SHANK2: variants seen among roughly 807,000 people sequenced by gnomAD.
The protein encoded by SHANK2 is SH3 and multiple ankyrin repeat domains 2.
In SHANK2, 43 loss-of-function variants were observed where a neutral mutation model predicts 133.7. The ratio of observed to expected loss-of-function variants is 0.32; its 90% CI spans 0.25 to 0.41. The LOEUF is 0.41. Ranked by LOEUF, SHANK2 falls within the 10% of genes least tolerant of loss-of-function variation. The pLI is 1.00. For synonymous variants in SHANK2, 1,017 were observed against 952.8 expected, an observed-to-expected ratio of 1.07 and a Z score of -1.24; for missense variants, 1,994 against 2,235.8, an observed-to-expected ratio of 0.89 and a Z score of 2.18.
At chr11:70,729,703 A>ATT (rs1157075421) in intron 14 of SHANK2, among the ~76,000 whole-genome samples, 1 of 139,434 alleles carries the variant, frequency 7.2e-6, no homozygotes, top group African/African-American at 2.6e-5. Flanking sequence ...TTTTTTTTGT[A>ATT]TTTTTTTTTT....
intron 17 of SHANK2, among the ~76,000 whole-genome samples, chr11:70,580,871 G>A (rs921798271): frequency 6.6e-6 from 1 of 152,200 alleles, no homozygotes; most frequent in African/African-American, 2.4e-5. Context: ...CTCACCTCCT[G>A]TTCCCTCTGT....
At chr11:70,819,018 A>G (rs1400694846) in intron 12 of SHANK2, among the ~76,000 whole-genome samples, 3 of 152,178 alleles carry the variant, frequency 2.0e-5, no homozygotes, top group African/African-American at 7.2e-5. Flanking sequence ...CTGGCAACAG[A>G]GCATGACCCA....
intron 17 of SHANK2, among the ~76,000 whole-genome samples, chr11:70,611,495 C>T (rs567416907): frequency 1.7e-4 from 26 of 152,368 alleles, no homozygotes; most frequent in Admixed American, 2.6e-4. Context: ...TACCACCCCA[C>T]GACCCACGTC....
intron 21 of SHANK2, among the ~76,000 whole-genome samples, chr11:70,492,956 C>T (rs537654772): frequency 1.4e-3 from 208 of 151,924 alleles, no homozygotes; most frequent in African/African-American, 4.8e-3. Flanking sequence ...CCACTACGCC[C>T]AGCTAATTTT....
At chr11:70,737,520 C>T (rs1433351745) in intron 14 of SHANK2, among the ~76,000 whole-genome samples, 1 of 152,238 alleles carries the variant, frequency 6.6e-6, no homozygotes, top group East Asian at 1.9e-4. Flanking sequence ...GCCCTGCATG[C>T]ATCTCGCTCC....
intron 15 of SHANK2, among the ~76,000 whole-genome samples, chr11:70,674,342 G>T (rs993231220): frequency 1.3e-5 from 2 of 151,982 alleles, no homozygotes; most frequent in Non-Finnish European, 2.9e-5. Context: ...GTAATGGGAA[G>T]TATTTTAATG....
At chr11:70,592,551 T>G (rs1289126085) in intron 17 of SHANK2, among the ~76,000 whole-genome samples, 15 of 151,790 alleles carry the variant, frequency 9.9e-5, no homozygotes, top group African/African-American at 3.6e-4. Context: ...GGCATCTCGG[T>G]GGCCCCCCTT....
At chr11:70,474,060 C>T (rs1555149498) in intron 25 of SHANK2, 1 of 180,084 alleles carries the variant, frequency 5.6e-6, no homozygotes, top group South Asian at 1.3e-4. Context: ...TGTAGCTACG[C>T]AGGGCACTCA....
chr11:71,155,667 C>A (rs1486939344), intron 2 of SHANK2, among the ~76,000 whole-genome samples: 4 of 85,196 alleles, frequency 4.7e-5, no homozygotes, highest in Non-Finnish European at 6.7e-5. Flanking sequence ...CAAACCCGCC[C>A]TGCCCCATAC....
Position 70,820,668 on chromosome 11 carries a change from C to A in SHANK2, c.1189G>T (p.Ala397Ser). The change falls in exon 12 of 26, where the codon GCC becomes TCC. Residue 397 changes from alanine to serine, a missense_variant. This residue lies in a region of SHANK2 where 653 missense variants were observed against 563.4 expected (regional missense o/e 1.16). Transcript: ENST00000601538. ...CGCCGGCGGTTGGAGTACGCCGGGG[C>A]CTCTCGGAAGGGCACTGGGGAGAAG... ...KETDIVPFRE[A>S]PAYSNRRRRP... The A allele has an allele frequency of 1.5e-6, 1 of 688,222 alleles. No individual in the cohort carries two copies. The highest frequency in any genetic ancestry group is 2.4e-4 in the Middle Eastern group (1 of 4,226). The allele number at this position is 688,222 out of a possible 1,614,324, so 42.6% of individuals were successfully genotyped here.
At chr11:71,225,690 G>A (rs1267453552) in intron 1 of SHANK2, among the ~76,000 whole-genome samples, 1 of 152,210 alleles carries the variant, frequency 6.6e-6, no homozygotes, top group African/African-American at 2.4e-5. Flanking sequence ...GAGATGTCAG[G>A]ATGATCTGAC....
At position 71,155,830 on chromosome 11, in the gene SHANK2, T is replaced by G. The variant is rs1952897954; in HGVS notation, c.-12-8492A>C. Among the ~76,000 whole-genome samples, 6 of 152,094 alleles carry G rather than the reference T, an allele frequency of 3.9e-5. No homozygotes were observed. The South Asian group carries it at 1.2e-3, about 32-fold the overall frequency. ...CACCAGCATGGCATTAGACACACTG[T>G]GAGCTGAACTGTGTCCCCTGCTCAA... On this transcript the variant is annotated intron_variant, in intron 2 of 25. Coordinates refer to ENST00000601538, the MANE Select transcript of SHANK2 (RefSeq NM_012309.5).
At chr11:70,568,004 G>A (rs2136162092) in intron 17 of SHANK2, among the ~76,000 whole-genome samples, 1 of 152,356 alleles carries the variant, frequency 6.6e-6, no homozygotes. Context: ...TGGGGAGACA[G>A]GATGTGAAAT....
rs1357455804 is a variant in SHANK2, at chr11:71,061,748, C to A, written c.1030-5190G>T. ...GGAATGGTGAGTTTCTGCAGGTGACCGGCATTTCAAGAGATGCACAGAATG... is the reference window on the plus strand; with the variant it reads ...GGAATGGTGAGTTTCTGCAGGTGACAGGCATTTCAAGAGATGCACAGAATG... On this transcript the variant is annotated intron_variant, in intron 9 of 25. Transcript: ENST00000601538. Among the ~76,000 whole-genome samples the A allele has an allele frequency of 2.0e-5, 3 of 152,058 alleles. No individual in the cohort carries two copies. The East Asian group carries it at 5.8e-4, about 29-fold the overall frequency.
chr11:71,148,685 C>T (rs1460675651), intron 2 of SHANK2, among the ~76,000 whole-genome samples: 1 of 152,224 alleles, frequency 6.6e-6, no homozygotes, highest in East Asian at 1.9e-4. Flanking sequence ...TTAGGGACCC[C>T]TTGATCAAGC....
At chr11:70,490,445 A>T in intron 22 of SHANK2, 58 bp from the exon 23 acceptor site, 1 of 1,433,144 alleles carries the variant, frequency 7.0e-7, no homozygotes, top group Non-Finnish European at 9.8e-7. Flanking sequence ...ACCCACGGTC[A>T]CAGGGCCCAG....
chr11:71,245,042 G>A (rs1284775453), intron 1 of SHANK2, among the ~76,000 whole-genome samples: 2 of 151,832 alleles, frequency 1.3e-5, no homozygotes, highest in Non-Finnish European at 1.5e-5. Flanking sequence ...GTACAGTGGC[G>A]TGATCACGGC....
At chr11:70,528,855 G>A (rs1323940002) in intron 17 of SHANK2, among the ~76,000 whole-genome samples, 4 of 152,086 alleles carry the variant, frequency 2.6e-5, no homozygotes, top group African/African-American at 7.2e-5. Context: ...CCCAGGTGGC[G>A]ACTCCTGCTC....
intron 11 of SHANK2, among the ~76,000 whole-genome samples, chr11:70,853,368 G>A (rs377050131): frequency 1.3e-5 from 2 of 152,244 alleles, no homozygotes; most frequent in African/African-American, 2.4e-5. Flanking sequence ...CACAGCGGCC[G>A]TGGGGACAGA....
Sources: allele counts gnomAD v4.1 joint callset (sites outside exome capture counted in the v4.1 genomes callset), GRCh38; gene constraint gnomAD v4.1.1; regional missense constraint gnomAD v4.1.1; transcripts MANE v1.5; gene names NCBI Gene and HGNC (gene_info 2026-07-23, HGNC 2026-07-21).